BTG4: variants seen among roughly 807,000 people sequenced by gnomAD.
BTG4 encodes the protein protein BTG4.
In BTG4, 10 loss-of-function variants were observed where a neutral mutation model predicts 19.3. The observed-to-expected ratio is 0.52, with a 90% CI of 0.32 to 0.88. BTG4 has a LOEUF of 0.88. Ranked by LOEUF, BTG4 falls within the 40% of genes least tolerant of loss-of-function variation. The pLI, the probability that BTG4 is intolerant of heterozygous loss-of-function variation, is 0.04. For missense variants in BTG4, 238 were observed against 281.9 expected (o/e 0.84, Z 1.11); for synonymous variants, 91 against 95.7 (o/e 0.95, Z 0.29).
At chr11:111,434,803 C>A in the BTG4 span, among the ~76,000 whole-genome samples, 1 of 151,960 alleles carries the variant, frequency 6.6e-6, no homozygotes, top group Admixed American at 6.5e-5. Flanking sequence ...GAAAGAGGAC[C>A]ACCCATCCAG....
rs749138082 is a variant in BTG4, at chr11:111,495,266, T to C, written c.559A>G (p.Lys187Glu). ...ACACGGCCGTCCACCACATTCTTTT[T>C]GCGGGGGATTTGTAACCAAGATTGA... ...PFQSWLQIPRKKNVVDGRVGL... is the reference protein window; with the variant it reads ...PFQSWLQIPREKNVVDGRVGL... The change falls in exon 5 of 5, where the codon AAA (lysine) becomes GAA (glutamate). Residue 187 changes from lysine (K) to glutamate (E), a missense_variant. Physicochemically the swap from Lys to Glu is moderately conservative, Grantham distance 56. Coordinates refer to ENST00000692032, the MANE Select transcript of BTG4 (RefSeq NM_001367975.1). 4 of 1,611,108 alleles carry C rather than the reference T, an allele frequency of 2.5e-6. No individual in the cohort carries two copies. In the Admixed American group the frequency reaches 5.1e-5, roughly 20 times the overall value.
the BTG4 span, among the ~76,000 whole-genome samples, chr11:111,442,770 G>A: frequency 6.6e-6 from 1 of 151,886 alleles, no homozygotes; most frequent in Non-Finnish European, 1.5e-5. Context: ...AGTCCATATT[G>A]ATATAAATAA....
chr11:111,453,436 C>T, the BTG4 span: 17 of 456,428 alleles, frequency 3.7e-5, no homozygotes, highest in Non-Finnish European at 7.1e-5. Flanking sequence ...GAGCTGGGCT[C>T]GGAAGGCTGC....
chr11:111,427,690 T>C, the BTG4 span, among the ~76,000 whole-genome samples: 1 of 152,068 alleles, frequency 6.6e-6, no homozygotes, highest in East Asian at 1.9e-4. Context: ...GGGGAGTCTT[T>C]AGAGGGATAC....
the BTG4 span, among the ~76,000 whole-genome samples, chr11:111,421,613 G>C: frequency 6.6e-6 from 1 of 152,154 alleles, no homozygotes. Context: ...ATAAACTAAG[G>C]CTTACAAAAA....
At chr11:111,485,856 A>G (rs1800192094) in intron 5 of BTG4, among the ~76,000 whole-genome samples, 1 of 152,172 alleles carries the variant, frequency 6.6e-6, no homozygotes, top group African/African-American at 2.4e-5. Flanking sequence ...GATTAAGAAA[A>G]AAGATCTTTC....
chr11:111,449,252 A>C, the BTG4 span: 1 of 151,978 alleles, frequency 6.6e-6, no homozygotes, highest in Non-Finnish European at 1.5e-5. Flanking sequence ...CACAGCCAAA[A>C]ACCTGGGCAT....
the BTG4 span, among the ~76,000 whole-genome samples, chr11:111,461,317 C>A: frequency 6.6e-6 from 1 of 152,138 alleles, no homozygotes; most frequent in African/African-American, 2.4e-5. Context: ...AGGGTGAGAA[C>A]AATTTCCTGC....
upstream of BTG4, chr11:111,512,889 C>T (rs1867051809): frequency 2.4e-6 from 1 of 424,774 alleles, no homozygotes; most frequent in South Asian, 1.7e-5. Flanking sequence ...GGGCCCCGAC[C>T]CCGCGTCGGC....
rs529866559 is a variant in BTG4, at chr11:111,496,758, T to C, written c.510+453A>G. On this transcript the variant is annotated intron_variant, in intron 4 of 4. Transcript: ENST00000692032. ...GAAACTTTTTAAATGTAAATATACA[T>C]ATTTTGAATGGGTTATGGTTTAAAA... 16 of 164,400 alleles carry C rather than the reference T, an allele frequency of 9.7e-5. No homozygotes were observed. In the East Asian group the frequency reaches 2.7e-3, roughly 28 times the overall value. 10.2% of individuals were successfully genotyped at this position (164,400 alleles called of 1,614,324 possible). A position where few individuals can be genotyped will look rare whatever the true frequency, so the allele number is the denominator to read the frequency against.
intron 1 of BTG4, among the ~76,000 whole-genome samples, chr11:111,509,802 T>C (rs1308453367): frequency 1.3e-5 from 2 of 152,076 alleles, no homozygotes; most frequent in Admixed American, 1.3e-4. Flanking sequence ...TTCTTCCTCT[T>C]CCAACAACAT....
chr11:111,509,911 C>CTTT (rs1450409427), intron 1 of BTG4, among the ~76,000 whole-genome samples: 10 of 114,724 alleles, frequency 8.7e-5, no homozygotes, highest in African/African-American at 2.2e-4. Context: ...TTTCTTTTTT[C>CTTT]TTTTTTTTTT....
chr11:111,406,666 G>A, the BTG4 span, among the ~76,000 whole-genome samples: 1 of 152,208 alleles, frequency 6.6e-6, no homozygotes, highest in Admixed American at 6.5e-5. Context: ...GGAGGCCAGG[G>A]TTTTGGGAAG....
chr11:111,490,329 A>G (rs1319808959), downstream of BTG4, among the ~76,000 whole-genome samples: 1 of 152,132 alleles, frequency 6.6e-6, no homozygotes, highest in Non-Finnish European at 1.5e-5. Flanking sequence ...TTCCTAACAC[A>G]AAGAAATGAT....
the BTG4 span, among the ~76,000 whole-genome samples, chr11:111,395,821 G>C: frequency 1.3e-5 from 2 of 152,196 alleles, no homozygotes; most frequent in Non-Finnish European, 2.9e-5. Flanking sequence ...CGCTGCCCTA[G>C]GCAATGCCCC....
chr11:111,413,204 G>T, the BTG4 span, among the ~76,000 whole-genome samples: 1 of 152,236 alleles, frequency 6.6e-6, no homozygotes, highest in Admixed American at 6.5e-5. Context: ...GTCAGCACTC[G>T]AGTGAGTCAT....
At chr11:111,449,818 G>A in the BTG4 span, 3 of 152,300 alleles carry the variant, frequency 2.0e-5, no homozygotes, top group Non-Finnish European at 2.9e-5. Context: ...TGTGCCCAGA[G>A]AGACAGAGAC....
chr11:111,483,360 C>T (rs1172507210), intron 5 of BTG4, among the ~76,000 whole-genome samples: 1 of 152,108 alleles, frequency 6.6e-6, no homozygotes, highest in African/African-American at 2.4e-5. Flanking sequence ...TCCAAGAAAA[C>T]ATGACTTCAC....
In BTG4 at chr11:111,500,275, A is replaced by T. The variant is rs908563241; in HGVS notation, c.-26-1473T>A. ...GTTCCCCCAGGTGATTCTAATACCC[A>T]TTAAGCGTTAAGAAGCCACACCTGA... is the stretch of plus-strand genomic sequence containing the variant. On this transcript the variant is annotated intron_variant, in intron 1 of 4. Transcript: ENST00000692032. Among the ~76,000 whole-genome samples, 5 of 152,382 alleles carry T rather than the reference A, an allele frequency of 3.3e-5. No homozygotes were observed. In the East Asian group the frequency reaches 9.6e-4, roughly 29 times the overall value.
Sources: allele counts gnomAD v4.1 joint callset (sites outside exome capture counted in the v4.1 genomes callset), GRCh38; gene constraint gnomAD v4.1.1; transcripts MANE v1.5; gene names NCBI Gene and HGNC (gene_info 2026-07-23, HGNC 2026-07-21).